The following PPP3CA variants were observed in gnomAD, a reference collection of about 807,000 sequenced individuals.
The protein encoded by PPP3CA is CAM-PRP catalytic subunit.
PPP3CA carries 14 observed loss-of-function variants against 66.5 expected under a neutral mutation model. The observed-to-expected ratio is 0.21, with a 90% CI of 0.14 to 0.33. The LOEUF is 0.33. PPP3CA is among the 10% of genes least tolerant of loss of function. PPP3CA has a pLI of 1.00. For missense variants in PPP3CA, 317 were observed against 639.5 expected (o/e 0.50, Z 5.44); for synonymous variants, 232 against 226.2 (o/e 1.03, Z -0.23).
At chr4:101,072,594 G>A (rs1441246580) in intron 8 of PPP3CA, among the ~76,000 whole-genome samples, 2 of 152,048 alleles carry the variant, frequency 1.3e-5, no homozygotes, top group South Asian at 2.1e-4. Flanking sequence ...AGCAGTGTCT[G>A]GCACATAATA....
intron 2 of PPP3CA, among the ~76,000 whole-genome samples, chr4:101,157,641 G>C (rs1723365913): frequency 6.6e-6 from 1 of 152,154 alleles, no homozygotes; most frequent in Non-Finnish European, 1.5e-5. Flanking sequence ...GATGATGCAA[G>C]TGAACTCCTG....
intron 8 of PPP3CA, among the ~76,000 whole-genome samples, chr4:101,077,709 G>A (rs1483761311): frequency 1.3e-5 from 2 of 151,894 alleles, no homozygotes; most frequent in Non-Finnish European, 2.9e-5. Context: ...TTTATGAAGG[G>A]GTTCCCAAAA....
intron 1 of PPP3CA, among the ~76,000 whole-genome samples, chr4:101,200,600 TC>T (rs1724937838): frequency 6.6e-6 from 1 of 152,152 alleles, no homozygotes; most frequent in African/African-American, 2.4e-5. Flanking sequence ...TATATTTTCC[TC>T]CTTTTTTTCC....
At position 101,025,680 on chromosome 4, in the gene PPP3CA, T is replaced by C. The variant is rs1394511752; in HGVS notation, c.*185A>G. 2 of 483,706 alleles carry C rather than the reference T, an allele frequency of 4.1e-6. No homozygotes were observed. Among genetic ancestry groups the C allele is most frequent in the East Asian group, 3.2e-5 (1 of 30,856 alleles). 30.0% of individuals were successfully genotyped at this position (483,706 alleles called of 1,614,324 possible). A position where few individuals can be genotyped will look rare whatever the true frequency, so the allele number is the denominator to read the frequency against. ...TTTAATCACCATCCCCACCAAAATATAGTTTATTATCTCTCTCCCTCTTTT... is the reference window on the plus strand; with the variant it reads ...TTTAATCACCATCCCCACCAAAATACAGTTTATTATCTCTCTCCCTCTTTT... On this transcript the variant is annotated 3_prime_UTR_variant, in exon 14 of 14. Transcript: ENST00000394854.
chr4:101,127,323 C>T (rs1339435924), intron 2 of PPP3CA, among the ~76,000 whole-genome samples: 2 of 151,950 alleles, frequency 1.3e-5, no homozygotes, highest in Non-Finnish European at 2.9e-5. Flanking sequence ...CCCCTGGTAG[C>T]CACAAATGTG....
rs377196238 is a variant in PPP3CA, at chr4:101,210,176, C to G, written c.59-14060G>C. Among the ~76,000 whole-genome samples, 16 of 152,274 alleles carry G rather than the reference C, an allele frequency of 1.1e-4. No individual in the cohort carries two copies. The South Asian group carries it at 1.9e-3, about 18-fold the overall frequency. On this transcript the variant is annotated intron_variant, in intron 1 of 13. Transcript: ENST00000394854. ...ATCTAGTCTGGTTCCTCAGTTACCC[C>G]GTCTGGATTATTATGATAATGACCA...
At chr4:101,068,789 C>T (rs1041702572) in intron 8 of PPP3CA, among the ~76,000 whole-genome samples, 1 of 151,932 alleles carries the variant, frequency 6.6e-6, no homozygotes, top group African/African-American at 2.4e-5. Context: ...GGGAAATGTA[C>T]TAATTCATGA....
chr4:101,177,123 A>G (rs1234101099), intron 2 of PPP3CA, among the ~76,000 whole-genome samples: 2 of 152,196 alleles, frequency 1.3e-5, no homozygotes, highest in Non-Finnish European at 2.9e-5. Flanking sequence ...AGTACTCACA[A>G]AAATAAAACT....
At chr4:101,041,917 G>A (rs1342681174) in intron 10 of PPP3CA, among the ~76,000 whole-genome samples, 1 of 149,732 alleles carries the variant, frequency 6.7e-6, no homozygotes, top group Non-Finnish European at 1.5e-5. Context: ...TTTGAGTCAA[G>A]TAATTTGCTC....
intron 2 of PPP3CA, among the ~76,000 whole-genome samples, chr4:101,124,777 AAG>A (rs1722187535): frequency 2.3e-5 from 3 of 130,210 alleles, no homozygotes; most frequent in South Asian, 5.2e-4. Flanking sequence ...GAAAGAAAGA[AAG>A]AAAGAAAGAA....
intron 1 of PPP3CA, among the ~76,000 whole-genome samples, chr4:101,327,840 T>C (rs1161549650): frequency 6.6e-6 from 1 of 152,104 alleles, no homozygotes; most frequent in East Asian, 1.9e-4. Context: ...TAAATATATA[T>C]TAACAAAATG....
At chr4:101,151,422 T>C (rs1183091007) in intron 2 of PPP3CA, among the ~76,000 whole-genome samples, 1 of 151,626 alleles carries the variant, frequency 6.6e-6, no homozygotes, top group East Asian at 2.0e-4. Flanking sequence ...TAGCTGAGCG[T>C]GGTGGCGGAC....
chr4:101,107,784 T>C (rs1467623837), intron 3 of PPP3CA, among the ~76,000 whole-genome samples: 1 of 152,194 alleles, frequency 6.6e-6, no homozygotes, highest in Non-Finnish European at 1.5e-5. Context: ...AAATAAAAAT[T>C]TTGAAATATA....
In PPP3CA at chr4:101,106,445, GAAAGAAAGAGAAAA is replaced by G. The variant is rs1730714980; in HGVS notation, c.384+2495_384+2508del. On this transcript the variant is annotated intron_variant, in intron 3 of 13. Coordinates refer to ENST00000394854, the MANE Select transcript of PPP3CA (RefSeq NM_000944.5). ...AGAAAGAAAGAAAGAAAGAAAGAAAGAAAGAAAGAGAAAAGAAAAGAAAAGAAAAGAAAAGAAAA... is the reference window on the plus strand; with the variant it reads ...AGAAAGAAAGAAAGAAAGAAAGAAAGGAAAAGAAAAGAAAAGAAAAGAAAA... Among the ~76,000 whole-genome samples the G allele has an allele frequency of 4.1e-4, 5 of 12,192 alleles. 1 individual carries two copies. The highest frequency in any genetic ancestry group is 1.1e-3 in the African/African-American group (4 of 3,496). The allele number at this position is 12,192 out of a possible 152,430, so 8.0% of individuals were successfully genotyped here. A position where few individuals can be genotyped will look rare whatever the true frequency, so the allele number is the denominator to read the frequency against.
chr4:101,035,691 A>G (rs1403072401), intron 11 of PPP3CA, among the ~76,000 whole-genome samples: 3 of 152,094 alleles, frequency 2.0e-5, no homozygotes, highest in Non-Finnish European at 4.4e-5. Context: ...TTGTTCAACC[A>G]CATTCCTTAC....
intron 1 of PPP3CA, among the ~76,000 whole-genome samples, chr4:101,324,207 A>G (rs1375101557): frequency 1.4e-5 from 2 of 140,570 alleles, no homozygotes; most frequent in East Asian, 2.3e-4. Flanking sequence ...GAAGGAAGGA[A>G]GGAAGGAAGG....
intron 5 of PPP3CA, among the ~76,000 whole-genome samples, chr4:101,094,175 C>T (rs902536077): frequency 2.0e-5 from 3 of 152,114 alleles, no homozygotes; most frequent in Admixed American, 6.6e-5. Context: ...TTACCTTCCT[C>T]TTGCCTCTAT....
At chr4:101,198,065 A>G (rs939246228) in intron 1 of PPP3CA, among the ~76,000 whole-genome samples, 5 of 152,216 alleles carry the variant, frequency 3.3e-5, no homozygotes, top group African/African-American at 4.8e-5. Context: ...ATAGATACAT[A>G]ATACAAAAAC....
chr4:101,172,391 A>G (rs905567125), intron 2 of PPP3CA, among the ~76,000 whole-genome samples: 1 of 152,156 alleles, frequency 6.6e-6, no homozygotes, highest in African/African-American at 2.4e-5. Flanking sequence ...ATATTCCAAA[A>G]ACTTACAAGA....
Sources: gnomAD v4.1 joint callset for allele counts (sites outside exome capture counted in the v4.1 genomes callset) on GRCh38, gnomAD v4.1.1 for gene constraint, MANE v1.5 for transcripts, NCBI Gene and HGNC (gene_info 2026-07-23, HGNC 2026-07-21) for gene names.